The following SLC2A5 variants were observed in gnomAD, a reference collection of about 807,000 sequenced individuals.
SLC2A5 encodes the protein solute carrier family 2, facilitated glucose transporter member 5.
In SLC2A5, 56 loss-of-function variants were observed where a neutral mutation model predicts 50.3. That is an observed-to-expected ratio of 1.11 (90% confidence interval 0.90 to 1.39). The LOEUF (loss-of-function observed/expected upper bound fraction) is 1.39. Ranked by LOEUF, SLC2A5 falls within the 40% of genes most tolerant of loss-of-function variation. The pLI is 0.00. For synonymous variants in SLC2A5, 269 were observed against 281.9 expected, an observed-to-expected ratio of 0.95 and a Z score of 0.46; for missense variants, 566 against 650.1, an observed-to-expected ratio of 0.87 and a Z score of 1.41.
intron 3 of SLC2A5, among the ~76,000 whole-genome samples, chr1:9,053,831 G>T (rs1300497514): frequency 6.7e-6 from 1 of 150,220 alleles, no homozygotes; most frequent in African/African-American, 2.4e-5. Context: ...CCAAGATTGC[G>T]CCATTGCACT....
chr1:9,091,570 C>T (rs959952879), upstream of SLC2A5, among the ~76,000 whole-genome samples: 1 of 151,892 alleles, frequency 6.6e-6, no homozygotes, highest in African/African-American at 2.4e-5. Context: ...GCCCTATATT[C>T]AACTCTCTCA....
At chr1:9,071,053 G>C (rs916176952), upstream of SLC2A5, among the ~76,000 whole-genome samples, 2 of 152,176 alleles carry the variant, frequency 1.3e-5, no homozygotes, top group African/African-American at 4.8e-5. Flanking sequence ...GCAGGGGTAG[G>C]GTGGGGAGAG....
At chr1:9,079,460 T>TA (rs1257688722) in intron 2 of SLC2A5, among the ~76,000 whole-genome samples, 1 of 152,172 alleles carries the variant, frequency 6.6e-6, no homozygotes, top group Non-Finnish European at 1.5e-5. Flanking sequence ...TTACCCTGGA[T>TA]AGACACTCCT....
At chr1:9,064,386 C>T (rs185243803) in intron 1 of SLC2A5, among the ~76,000 whole-genome samples, 6 of 152,162 alleles carry the variant, frequency 3.9e-5, no homozygotes, top group South Asian at 2.1e-4. Context: ...GACCCCCAGC[C>T]GTGACCGGGA....
At position 9,038,897 on chromosome 1, in the gene SLC2A5, C is replaced by G; in HGVS notation, c.1029G>C (p.Leu343=). The change falls in exon 9 of 12, where the codon CTG becomes CTC. Residue 343 remains leucine (L), a synonymous_variant. Coordinates refer to ENST00000377424, the MANE Select transcript of SLC2A5 (RefSeq NM_003039.3). ...VFVVELLGRR[L]LLLLGFSICL... The stretch of plus-strand genomic sequence containing the variant: ...AGATGGAGAAGCCCAGCAGCAGCAG[C>G]AGCCTCCGACCCAGGAGCTCCACCA... 1 of 1,612,772 alleles carries G rather than the reference C, an allele frequency of 6.2e-7. No individual in the cohort carries two copies. The highest frequency in any genetic ancestry group is 8.5e-7 in the Non-Finnish European group (1 of 1,179,914).
chr1:9,051,101 T>A (rs1325570463), intron 3 of SLC2A5, among the ~76,000 whole-genome samples: 2 of 152,052 alleles, frequency 1.3e-5, no homozygotes, highest in African/African-American at 4.8e-5. Context: ...GAGGTGGACA[T>A]TTTAAGGTAG....
Position 9,047,721 on chromosome 1 carries a change from G to C in SLC2A5, c.307C>G (p.Leu103Val). The change falls in exon 4 of 12, where the codon CTG becomes GTG. Residue 103 changes from leucine (L) to valine (V), a missense_variant. Physicochemically the swap from Leu to Val is conservative, Grantham distance 32. Coordinates refer to ENST00000377424, the MANE Select transcript of SLC2A5 (RefSeq NM_003039.3). ...ACGATAGAAAATATGTTGTTGAACA[G>C]CAAGGCCCCTTTTCTGCAGAGGACA... is the stretch of plus-strand genomic sequence containing the variant. Reference protein sequence around the residue: ...VNKFGRKGALLFNNIFSIVPA... With the variant: ...VNKFGRKGALVFNNIFSIVPA... The C allele has an allele frequency of 6.2e-7, 1 of 1,613,702 alleles. No homozygotes were observed. Among genetic ancestry groups the C allele is most frequent in the Non-Finnish European group, 8.5e-7 (1 of 1,179,788 alleles).
Position 9,040,008 on chromosome 1 carries a change from C to T in SLC2A5, c.698-21G>A, listed in dbSNP as rs776019904. 1.3e-6 allele frequency: 2 copies of T among 1,596,214 alleles called. No individual in the cohort carries two copies. The highest frequency in any genetic ancestry group is 1.7e-6 in the Non-Finnish European group (2 of 1,168,354). ...TAGGGCTGGGGAGAAGCGGCACCGT[C>T]GGACCAGGGCTGGGGAGCAGAACCT... On this transcript the variant is annotated intron_variant, in intron 6 of 11. Coordinates refer to ENST00000377424, the MANE Select transcript of SLC2A5 (RefSeq NM_003039.3). The surrounding 1 kb of genome is among the most constrained non-coding windows in gnomAD (Gnocchi z 4.3).
At position 9,053,250 on chromosome 1, in the gene SLC2A5, T is replaced by A. The variant is rs1168990371; in HGVS notation, c.293+4198A>T. Among the ~76,000 whole-genome samples the A allele has an allele frequency of 1.3e-3, 18 of 13,390 alleles. 1 individual carries two copies. The highest frequency in any genetic ancestry group is 1.9e-3 in the South Asian group (1 of 520). The allele number at this position is 13,390 out of a possible 152,430, so 8.8% of individuals were successfully genotyped here. A position where few individuals can be genotyped will look rare whatever the true frequency, so the allele number is the denominator to read the frequency against. ...TATATTATATATTTATATATTATAT[T>A]TATATATTATATATTTATATTATAT... On this transcript the variant is annotated intron_variant, in intron 3 of 11. Transcript: ENST00000377424.
Position 9,037,743 on chromosome 1 carries a change from AG to A in SLC2A5, c.1348del (p.Leu450SerfsTer9). 1 of 1,614,156 alleles carries A rather than the reference AG, an allele frequency of 6.2e-7. No individual in the cohort carries two copies. Among genetic ancestry groups the A allele is most frequent in the Non-Finnish European group, 8.5e-7 (1 of 1,180,028 alleles). On this transcript the variant is annotated frameshift_variant, in exon 12 of 12. Coordinates refer to ENST00000377424, the MANE Select transcript of SLC2A5 (RefSeq NM_003039.3). LOFTEE classifies it low-confidence loss of function (END_TRUNC). The part of the protein sequence containing the change: ...YSFIVFAVIC[L>X]LTTIYIFLIV... ...CAAGAAGATGTAGATGGTGGTGAGG[AG>A]GCAGATCACGGCGAAGACAATGAAG... is the stretch of plus-strand genomic sequence containing the variant.
chr1:9,087,949 A>G (rs1449500619), intron 1 of SLC2A5, among the ~76,000 whole-genome samples: 4 of 152,152 alleles, frequency 2.6e-5, no homozygotes, highest in Admixed American at 2.0e-4. Flanking sequence ...AAGCCAAAGC[A>G]TTTAGTTTTT....
intron 4 of SLC2A5, among the ~76,000 whole-genome samples, chr1:9,044,912 C>T (rs1641399927): frequency 1.3e-5 from 2 of 152,196 alleles, no homozygotes; most frequent in African/African-American, 4.8e-5. Context: ...ATCCACTTTG[C>T]TGACTTGCTG....
intron 1 of SLC2A5, among the ~76,000 whole-genome samples, chr1:9,061,907 G>A (rs982672337): frequency 2.6e-5 from 4 of 152,210 alleles, no homozygotes; most frequent in African/African-American, 9.7e-5. Context: ...TGATCAGAGA[G>A]ACTATGGAGG....
upstream of SLC2A5, among the ~76,000 whole-genome samples, chr1:9,090,503 A>G (rs148450532): frequency 0.021 from 3,271 of 152,288 alleles, 108 homozygotes; most frequent in African/African-American, 0.073. Flanking sequence ...TCCCAATTAA[A>G]AAACAGGATG....
chr1:9,038,206 C>T (rs560975570), intron 10 of SLC2A5, among the ~76,000 whole-genome samples, 182 bp from the exon 11 acceptor site: 16 of 152,320 alleles, frequency 1.1e-4, no homozygotes, highest in South Asian at 4.1e-4. Context: ...AGCAACCACC[C>T]GTTAGGCCCA....
At chr1:9,073,434 C>T (rs1642246917), upstream of SLC2A5, among the ~76,000 whole-genome samples, 1 of 152,226 alleles carries the variant, frequency 6.6e-6, no homozygotes, top group South Asian at 2.1e-4. Flanking sequence ...CCTATTTCTC[C>T]ATCCTGCTTC....
At chr1:9,055,777 G>C (rs1300607956) in intron 3 of SLC2A5, among the ~76,000 whole-genome samples, 1 of 151,862 alleles carries the variant, frequency 6.6e-6, no homozygotes, top group Non-Finnish European at 1.5e-5. Context: ...TTAGCTGCGC[G>C]TGGTGGCAGA....
upstream of SLC2A5, among the ~76,000 whole-genome samples, chr1:9,074,542 C>T (rs1236549958): frequency 1.3e-5 from 2 of 152,136 alleles, no homozygotes; most frequent in Non-Finnish European, 2.9e-5. Context: ...TGTGGGGATA[C>T]TTAACCTTTT....
chr1:9,037,221 C>T lies in SLC2A5; in HGVS notation c.*365G>A, dbSNP rs1641154926. 4.4e-6 allele frequency: 1 copy of T among 225,364 alleles called. No individual in the cohort carries two copies. 14.0% of individuals were successfully genotyped at this position (225,364 alleles called of 1,614,324 possible). On this transcript the variant is annotated 3_prime_UTR_variant, in exon 12 of 12. Coordinates refer to ENST00000377424, the MANE Select transcript of SLC2A5 (RefSeq NM_003039.3). ...TAGTTTCTCTGGCAAAATTTGATTCCTTCCATCTCACCACTATAGTAACTG... is the reference window on the plus strand; with the variant it reads ...TAGTTTCTCTGGCAAAATTTGATTCTTTCCATCTCACCACTATAGTAACTG...
Sources: allele counts gnomAD v4.1 joint callset (sites outside exome capture counted in the v4.1 genomes callset), GRCh38; gene constraint gnomAD v4.1.1; non-coding constraint Gnocchi (gnomAD v3.1); transcripts MANE v1.5; gene names NCBI Gene and HGNC (gene_info 2026-07-23, HGNC 2026-07-21).